CLEC16A: variants seen among roughly 807,000 people sequenced by gnomAD.
The protein encoded by CLEC16A is protein CLEC16A.
CLEC16A carries 51 observed loss-of-function variants against 109.5 expected under a neutral mutation model. That is an observed-to-expected ratio of 0.47 (90% CI 0.37 to 0.59). The LOEUF is 0.59. Among genes scored for constraint, CLEC16A ranks in the 20% least tolerant of loss-of-function variants. CLEC16A has a pLI of 0.00. For synonymous variants in CLEC16A, 673 were observed against 564.2 expected (o/e 1.19, Z -2.73); for missense variants, 1,339 against 1,394.0 (o/e 0.96, Z 0.63).
Position 11,102,339 on chromosome 16 carries a change from C to T in CLEC16A, c.2117-18276C>T, listed in dbSNP as rs896129338. Among the ~76,000 whole-genome samples, 7 of 152,150 alleles carry T rather than the reference C, an allele frequency of 4.6e-5. 1 individual carries two copies. In the East Asian group the frequency reaches 1.2e-3, roughly 25 times the overall value. The stretch of plus-strand genomic sequence containing the variant: ...CAGTTTGAACACAAAAGATTAAAAA[C>T]GTAAAGCAGGGAATTTGGTTTGTGA... On this transcript the variant is annotated intron_variant, in intron 19 of 23. Coordinates refer to ENST00000409790, the MANE Select transcript of CLEC16A (RefSeq NM_015226.3).
Position 11,136,541 on chromosome 16 carries a change from A to G in CLEC16A, c.2641+10395A>G, listed in dbSNP as rs192080860. Among the ~76,000 whole-genome samples, 438 of 152,320 alleles carry G rather than the reference A, an allele frequency of 2.9e-3. 3 individuals carry two copies. The highest frequency in any genetic ancestry group is 3.4e-3 in the Non-Finnish European group (231 of 68,030). On this transcript the variant is annotated intron_variant, in intron 22 of 23. Transcript: ENST00000409790. ...CAGAAAATAGGTTCCTTTTCTACAC[A>G]TTAATCAATTAGCACGAACAAAATT...
chr16:11,018,354 A>G (rs574191361), intron 11 of CLEC16A, among the ~76,000 whole-genome samples: 1 of 151,792 alleles, frequency 6.6e-6, no homozygotes, highest in African/African-American at 2.4e-5. Flanking sequence ...GCGACATGTG[A>G]ACTGAGCCTT....
rs538196298 is a variant in CLEC16A, at chr16:10,968,405, G to A, written c.344-756G>A. ...ACCATACTGGCCTGCATTTCTGCAG[G>A]GCCAGGCGCTGGGAGCTGGGGAATG... is the stretch of plus-strand genomic sequence containing the variant. On this transcript the variant is annotated intron_variant, in intron 3 of 23. Transcript: ENST00000409790. Among the ~76,000 whole-genome samples the A allele has an allele frequency of 1.9e-3, 283 of 152,316 alleles. 2 individuals carry two copies. The highest frequency in any genetic ancestry group is 6.4e-3 in the African/African-American group (267 of 41,556).
At chr16:11,103,856 G>A (rs146621495) in intron 19 of CLEC16A, among the ~76,000 whole-genome samples, 1,753 of 152,252 alleles carry the variant, frequency 0.012, 33 homozygotes, top group African/African-American at 0.04. Context: ...TGGGTGTACC[G>A]GTTCCATCTA....
rs769575129 is a variant in CLEC16A, at chr16:11,178,413, CTA to C, written c.2886_2887del (p.Lys963AlafsTer37). On this transcript the variant is annotated frameshift_variant, in exon 24 of 24. Coordinates refer to ENST00000409790, the MANE Select transcript of CLEC16A (RefSeq NM_015226.3). LOFTEE classifies it low-confidence loss of function (END_TRUNC). This position sits in a 1 kb window ranked among gnomAD's most constrained non-coding sequence, Gnocchi z 6.5. ...ATCGTCAACGAAACGGAAGCAGACT[CTA>C]AGCCCAGCAAGAACGTGGCCAGGAG... The C allele has an allele frequency of 9.9e-6, 16 of 1,613,834 alleles. No individual in the cohort carries two copies. The highest frequency in any genetic ancestry group is 1.7e-5 in the Admixed American group (1 of 60,030).
chr16:11,097,579 A>C (rs896640798), intron 19 of CLEC16A, among the ~76,000 whole-genome samples: 1 of 152,174 alleles, frequency 6.6e-6, no homozygotes, highest in Non-Finnish European at 1.5e-5. Context: ...GGGCTGTTCT[A>C]ATTAACTCCC....
chr16:11,038,517 C>T (rs775037975), intron 13 of CLEC16A, among the ~76,000 whole-genome samples: 1 of 152,170 alleles, frequency 6.6e-6, no homozygotes, highest in Non-Finnish European at 1.5e-5. Flanking sequence ...CCTAACAGGT[C>T]TTCTGTCACT....
chr16:10,965,554 T>C (rs1047268043), intron 3 of CLEC16A, among the ~76,000 whole-genome samples: 2 of 152,210 alleles, frequency 1.3e-5, no homozygotes, highest in Admixed American at 1.3e-4. Flanking sequence ...CAGCTTGTTG[T>C]GCTATAATCT....
chr16:11,164,596 A>G (rs985523710), intron 22 of CLEC16A, among the ~76,000 whole-genome samples: 1 of 152,218 alleles, frequency 6.6e-6, no homozygotes, highest in East Asian at 1.9e-4. Context: ...CCTGCACCAG[A>G]TGGGCACACT....
intron 11 of CLEC16A, among the ~76,000 whole-genome samples, chr16:11,013,257 G>A (rs1018345155): frequency 5.9e-5 from 9 of 152,184 alleles, no homozygotes; most frequent in Admixed American, 3.9e-4. Flanking sequence ...CTGCTGTATT[G>A]TGTTTATAAG....
chr16:10,995,311 G>C lies in CLEC16A; in HGVS notation c.1072-7763G>C, dbSNP rs80199985. Among the ~76,000 whole-genome samples the C allele has an allele frequency of 5.5e-3, 844 of 152,332 alleles. 6 individuals are homozygous for C. Among genetic ancestry groups the C allele is most frequent in the Middle Eastern group, 0.024 (7 of 294 alleles). On this transcript the variant is annotated intron_variant, in intron 10 of 23. Transcript: ENST00000409790. ...GCAGTGGAGCCAGGACTGAAACCAC[G>C]GTGGATGGGACCCTGGGCCTCTGAA...
Position 11,126,220 on chromosome 16 carries a change from C to T in CLEC16A, c.2641+74C>T, listed in dbSNP as rs748082654. On this transcript the variant is annotated intron_variant, in intron 22 of 23. Transcript: ENST00000409790. Reference sequence around the variant, plus strand: ...GTTCAAGGTCTTTCTCTCTGTGGAGCCTGTGTGAGCTGCCCTTCCTCTCTC... The same window carrying T: ...GTTCAAGGTCTTTCTCTCTGTGGAGTCTGTGTGAGCTGCCCTTCCTCTCTC... 3.1e-6 allele frequency: 5 copies of T among 1,592,170 alleles called. No homozygotes were observed. In the South Asian group the frequency reaches 5.6e-5, roughly 18 times the overall value.
intron 19 of CLEC16A, among the ~76,000 whole-genome samples, chr16:11,064,073 G>C (rs896648059): frequency 6.6e-6 from 1 of 152,160 alleles, no homozygotes; most frequent in African/African-American, 2.4e-5. Flanking sequence ...CATATACCCA[G>C]CCCTCAGCTT....
chr16:11,082,290 CT>C (rs2049769121), intron 19 of CLEC16A, among the ~76,000 whole-genome samples: 1 of 152,212 alleles, frequency 6.6e-6, no homozygotes, highest in Non-Finnish European at 1.5e-5. Flanking sequence ...TGGACAGTTT[CT>C]CACCCCTGCA....
At chr16:11,155,054 G>A (rs2054454478) in intron 22 of CLEC16A, among the ~76,000 whole-genome samples, 1 of 152,098 alleles carries the variant, frequency 6.6e-6, no homozygotes, top group African/African-American at 2.4e-5. Context: ...GCCTGGCGAG[G>A]TCAAGAGGCT....
chr16:11,158,972 C>T (rs28087), intron 22 of CLEC16A, among the ~76,000 whole-genome samples: 106,609 of 151,532 alleles, frequency 0.7, 38,767 homozygotes, highest in African/African-American at 0.88. Flanking sequence ...ATACAAACGG[C>T]TCACAAGATA....
At chr16:10,997,273 T>C (rs2044386453) in intron 10 of CLEC16A, among the ~76,000 whole-genome samples, 2 of 152,364 alleles carry the variant, frequency 1.3e-5, no homozygotes, top group South Asian at 4.1e-4. Context: ...GGGAAAGTTT[T>C]TAAATTGAGG....
Position 10,957,848 on chromosome 16 carries a change from G to A in CLEC16A, c.147G>A (p.Glu49=), listed in dbSNP as rs764030421. The change falls in exon 2 of 24, where the codon GAG becomes GAA. Residue 49 remains glutamate, a synonymous_variant. Transcript: ENST00000409790. ...VTEQNRNLLV[E]TIRSITEILI... is the part of the protein sequence containing the mutation. Reference sequence around the variant, plus strand: ...AACAGAACCGGAACCTGCTAGTGGAGACCATCCGTTCCATCACTGAGATCC... The same window carrying A: ...AACAGAACCGGAACCTGCTAGTGGAAACCATCCGTTCCATCACTGAGATCC... 2 of 1,613,772 alleles carry A rather than the reference G, an allele frequency of 1.2e-6. No homozygotes were observed. Among genetic ancestry groups the A allele is most frequent in the South Asian group, 2.2e-5 (2 of 91,084 alleles).
In CLEC16A at chr16:10,962,571, G is replaced by C; in HGVS notation, c.326G>C (p.Ser109Thr). 5.0e-6 allele frequency: 8 copies of C among 1,613,824 alleles called. No homozygotes were observed. The highest frequency in any genetic ancestry group is 1.3e-5 in the African/African-American group (1 of 75,022). Residue 109 changes from serine (S) to threonine (T), a missense_variant, in exon 3 of 24, where the codon AGT becomes ACT. By Grantham distance (58) the Ser-to-Thr change is moderately conservative. Coordinates refer to ENST00000409790, the MANE Select transcript of CLEC16A (RefSeq NM_015226.3). ...QTLNILFENI[S>T]HETSLYYLLS... Reference sequence around the variant, plus strand: ...TTGAACATCCTCTTTGAGAACATCAGTCACGAGACCTCACTTTGTAAGGAC... The same window carrying C: ...TTGAACATCCTCTTTGAGAACATCACTCACGAGACCTCACTTTGTAAGGAC...
Sources: allele counts gnomAD v4.1 joint callset (sites outside exome capture counted in the v4.1 genomes callset), GRCh38; gene constraint gnomAD v4.1.1; non-coding constraint Gnocchi (gnomAD v3.1); transcripts MANE v1.5; gene names NCBI Gene and HGNC (gene_info 2026-07-23, HGNC 2026-07-21).